The following ALK variants were observed in gnomAD, a reference collection of about 807,000 sequenced individuals.
ALK encodes ALK tyrosine kinase receptor.
ALK carries 74 observed loss-of-function variants against 163.1 expected under a neutral mutation model. That is an observed-to-expected ratio of 0.45 (90% CI 0.38 to 0.55). ALK has a LOEUF of 0.55. ALK is among the 20% of genes least tolerant of loss of function. The probability of loss-of-function intolerance (pLI) is 0.00; values close to 1 mark genes in which losing one functional copy is unlikely to be tolerated. For missense variants in ALK, 2,063 were observed against 2,105.3 expected, an observed-to-expected ratio of 0.98 and a Z score of 0.39; for synonymous variants, 960 against 843.2, an observed-to-expected ratio of 1.14 and a Z score of -2.40.
At chr2:29,607,654 T>C (rs1253965807) in intron 3 of ALK, among the ~76,000 whole-genome samples, 1 of 152,132 alleles carries the variant, frequency 6.6e-6, no homozygotes, top group Admixed American at 6.5e-5. Flanking sequence ...CTTCCAAGCA[T>C]CTCTTCTCTT....
intron 5 of ALK, among the ~76,000 whole-genome samples, chr2:29,370,189 T>C (rs1668607058): frequency 6.6e-6 from 1 of 152,238 alleles, no homozygotes; most frequent in Admixed American, 6.5e-5. Flanking sequence ...GCACCCCACC[T>C]TCATACACTC....
chr2:29,711,898 T>C (rs1444191086), intron 2 of ALK, among the ~76,000 whole-genome samples: 1 of 152,356 alleles, frequency 6.6e-6, no homozygotes, highest in South Asian at 2.1e-4. Context: ...GGATCTTTTC[T>C]GACTTGTTTT....
In ALK at chr2:29,251,154, G is replaced by T. The variant is rs759652463; in HGVS notation, c.2155C>A (p.Pro719Thr). 6.2e-7 allele frequency: 1 copy of T among 1,614,122 alleles called. No homozygotes were observed. Among genetic ancestry groups the T allele is most frequent in the Non-Finnish European group, 8.5e-7 (1 of 1,180,008 alleles). Residue 719 changes from proline (P) to threonine (T), a missense_variant, in exon 12 of 29, where the codon CCC becomes ACC. Coordinates refer to ENST00000389048, the MANE Select transcript of ALK (RefSeq NM_004304.5). ...TTCCAGATCTGGATGCCTTTCAGGG[G>T]GCCCTCGCTCCCCACCTCCACGCTC... ...NLSVEVGSEG[P>T]LKGIQIWKVP...
At chr2:29,658,074 G>T (rs1297735523) in intron 3 of ALK, among the ~76,000 whole-genome samples, 1 of 152,084 alleles carries the variant, frequency 6.6e-6, no homozygotes, top group Non-Finnish European at 1.5e-5. Context: ...CTGAAAAAAC[G>T]TGAGCTTCCA....
intron 28 of ALK, among the ~76,000 whole-genome samples, chr2:29,195,093 AAACAT>A (rs1668991481): frequency 6.6e-6 from 1 of 152,220 alleles, no homozygotes; most frequent in Non-Finnish European, 1.5e-5. Flanking sequence ...TGACTCATTA[AAACAT>A]TCTTTAGTTC....
At chr2:29,211,468 A>T (rs537460386) in intron 24 of ALK, among the ~76,000 whole-genome samples, 1 of 152,248 alleles carries the variant, frequency 6.6e-6, no homozygotes, top group Non-Finnish European at 1.5e-5. Flanking sequence ...AGTACATAGA[A>T]TACATCAAGA....
At chr2:29,445,066 G>T (rs78912254) in intron 4 of ALK, among the ~76,000 whole-genome samples, 13,291 of 152,212 alleles carry the variant, frequency 0.087, 840 homozygotes, top group East Asian at 0.27. Flanking sequence ...ATTTGGATTT[G>T]ACTCCTACTT....
intron 3 of ALK, among the ~76,000 whole-genome samples, chr2:29,581,221 CTACTAAAAATACAAAAA>C (rs1328628123): frequency 6.6e-6 from 1 of 152,092 alleles, no homozygotes; most frequent in Non-Finnish European, 1.5e-5. Flanking sequence ...AACCCCATCT[CTACTAAAAATACAAAAA>C]TTAGCTTGGT....
chr2:29,420,642 AT>A (rs1299848986), intron 4 of ALK, among the ~76,000 whole-genome samples: 1 of 151,460 alleles, frequency 6.6e-6, no homozygotes, highest in Non-Finnish European at 1.5e-5. Context: ...GAATGAAGCC[AT>A]TTAAGAGTGG....
chr2:29,711,155 A>T (rs1401307981), intron 2 of ALK, among the ~76,000 whole-genome samples: 3 of 152,116 alleles, frequency 2.0e-5, no homozygotes, highest in Admixed American at 2.0e-4. Context: ...CCTATGCCTC[A>T]TATGTAGGAC....
intron 1 of ALK, among the ~76,000 whole-genome samples, chr2:29,857,982 T>C (rs1222879267): frequency 1.3e-5 from 2 of 152,236 alleles, no homozygotes; most frequent in Middle Eastern, 3.2e-3. Flanking sequence ...ATAACCAGGA[T>C]ACTGACATTG....
intron 2 of ALK, among the ~76,000 whole-genome samples, chr2:29,701,406 C>T (rs891103402): frequency 3.3e-5 from 5 of 152,198 alleles, no homozygotes; most frequent in Admixed American, 1.3e-4. Context: ...TAAAGGGCAG[C>T]CCCCTGGGGC....
chr2:29,832,424 G>A (rs183234484), intron 1 of ALK, among the ~76,000 whole-genome samples: 2 of 151,932 alleles, frequency 1.3e-5, no homozygotes, highest in Admixed American at 6.5e-5. Context: ...GGGGCAAACC[G>A]ATGCACAACA....
chr2:29,379,258 G>A (rs1210282981), intron 5 of ALK, among the ~76,000 whole-genome samples: 1 of 152,132 alleles, frequency 6.6e-6, no homozygotes, highest in Non-Finnish European at 1.5e-5. Flanking sequence ...CTCTTTCACT[G>A]GCCTTTCAGT....
intron 4 of ALK, among the ~76,000 whole-genome samples, chr2:29,423,622 C>T (rs1480746999): frequency 6.6e-6 from 1 of 152,204 alleles, no homozygotes; most frequent in African/African-American, 2.4e-5. Flanking sequence ...ACTGCAGCAG[C>T]ACAAGCTAAT....
At chr2:29,255,963 G>C (rs144293237) in intron 11 of ALK, among the ~76,000 whole-genome samples, 1 of 152,156 alleles carries the variant, frequency 6.6e-6, no homozygotes, top group Admixed American at 6.5e-5. Flanking sequence ...GCTTCAAGCA[G>C]GAAGAATCTG....
At chr2:29,560,209 G>T (rs1417751186) in intron 3 of ALK, among the ~76,000 whole-genome samples, 4 of 152,160 alleles carry the variant, frequency 2.6e-5, no homozygotes, top group Non-Finnish European at 5.9e-5. Context: ...CAAATGTTCA[G>T]TAACTGGTGA....
chr2:29,406,855 C>T (rs567995619), intron 4 of ALK, among the ~76,000 whole-genome samples: 36 of 148,604 alleles, frequency 2.4e-4, no homozygotes, highest in South Asian at 2.1e-3. Flanking sequence ...GCTGAGATCG[C>T]GCCACTGCAC....
At chr2:29,617,104 T>C (rs1473435530) in intron 3 of ALK, among the ~76,000 whole-genome samples, 3 of 152,158 alleles carry the variant, frequency 2.0e-5, no homozygotes, top group African/African-American at 4.8e-5. Flanking sequence ...CTTAGGTCCA[T>C]GCTGGAAACT....
Sources: gnomAD v4.1 joint callset for allele counts (sites outside exome capture counted in the v4.1 genomes callset) on GRCh38, gnomAD v4.1.1 for gene constraint, MANE v1.5 for transcripts, NCBI Gene and HGNC (gene_info 2026-07-23, HGNC 2026-07-21) for gene names.